Variants in FBRSL1 observed in about 807,000 individuals in gnomAD.
FBRSL1 encodes the protein fibrosin like 1.
FBRSL1 carries 51 observed loss-of-function variants against 89.6 expected under a neutral mutation model. The observed-to-expected ratio is 0.57, with a 90% CI of 0.45 to 0.72. The LOEUF is 0.72. Ranked by LOEUF, FBRSL1 falls within the 30% of genes least tolerant of loss-of-function variation. The pLI, the probability that FBRSL1 is intolerant of heterozygous loss-of-function variation, is 0.00. For synonymous variants in FBRSL1, 779 were observed against 681.1 expected, an observed-to-expected ratio of 1.14 and a Z score of -2.24; for missense variants, 1,618 against 1,451.8, an observed-to-expected ratio of 1.11 and a Z score of -1.86.
At chr12:132,572,964 A>G (rs566149521) in intron 11 of FBRSL1, among the ~76,000 whole-genome samples, 1 of 152,200 alleles carries the variant, frequency 6.6e-6, no homozygotes, top group Non-Finnish European at 1.5e-5. Context: ...TCCTTACCGC[A>G]AGGAGGTTCT....
At position 132,525,206 on chromosome 12, in the gene FBRSL1, T is replaced by C. The variant is rs539527457; in HGVS notation, c.490-528T>C. Among the ~76,000 whole-genome samples the C allele has an allele frequency of 2.0e-5, 3 of 152,352 alleles. No homozygotes were observed. The South Asian group carries it at 6.2e-4, about 32-fold the overall frequency. ...CCCACCACCACCTCGCTGCTTGCTC[T>C]GGCATGGAGCCGACCGAAGGAGGTG... On this transcript the variant is annotated intron_variant, in intron 2 of 18. Transcript: ENST00000680143.
At chr12:132,534,131 C>T (rs899417989) in intron 4 of FBRSL1, among the ~76,000 whole-genome samples, 1 of 152,222 alleles carries the variant, frequency 6.6e-6, no homozygotes, top group African/African-American at 2.4e-5. Context: ...TTTGTTCCAG[C>T]AGCCCAAGCA....
intron 15 of FBRSL1, among the ~76,000 whole-genome samples, chr12:132,578,879 G>A (rs908328230): frequency 6.6e-6 from 1 of 152,250 alleles, no homozygotes; most frequent in Non-Finnish European, 1.5e-5. Context: ...AAGCATGGTG[G>A]CCTCTGGGCC....
intron 14 of FBRSL1, among the ~76,000 whole-genome samples, chr12:132,574,782 C>T (rs943391073): frequency 2.0e-5 from 3 of 152,072 alleles, no homozygotes; most frequent in Non-Finnish European, 4.4e-5. Flanking sequence ...GCCGCAAGGC[C>T]CTCTCCTCGG....
At position 132,568,143 on chromosome 12, in the gene FBRSL1, G is replaced by A. The variant is rs999536918; in HGVS notation, c.691+617G>A. Among the ~76,000 whole-genome samples, 16 of 152,322 alleles carry A rather than the reference G, an allele frequency of 1.1e-4. 1 individual carries two copies. The East Asian group carries it at 1.2e-3, about 11-fold the overall frequency. On this transcript the variant is annotated intron_variant, in intron 6 of 18. Transcript: ENST00000680143. Reference sequence around the variant, plus strand: ...CCTCTCCAGAGGGGATAGCCCCAGCGTCTTCTTAGGGCCTCCCTGGCGCTG... The same window carrying A: ...CCTCTCCAGAGGGGATAGCCCCAGCATCTTCTTAGGGCCTCCCTGGCGCTG...
intron 18 of FBRSL1, among the ~76,000 whole-genome samples, chr12:132,582,701 C>T (rs551009686): frequency 1.3e-5 from 2 of 152,194 alleles, no homozygotes; most frequent in South Asian, 4.1e-4. Flanking sequence ...GGAGGCCCCC[C>T]TGTCCTAACA....
At chr12:132,545,295 CCT>C (rs1424098810) in intron 4 of FBRSL1, among the ~76,000 whole-genome samples, 1 of 152,242 alleles carries the variant, frequency 6.6e-6, no homozygotes, top group Non-Finnish European at 1.5e-5. Context: ...TGAATGGTCG[CCT>C]CACTCGGGCA....
chr12:132,510,305 A>G lies in FBRSL1; in HGVS notation c.489+1955A>G, dbSNP rs1048628528. 1.1e-5 allele frequency: 13 copies of G among 1,229,482 alleles called. No homozygotes were observed. In the South Asian group the frequency reaches 1.2e-4, roughly 12 times the overall value. The allele number at this position is 1,229,482 out of a possible 1,614,324, so 76.2% of individuals were successfully genotyped here. A position where few individuals can be genotyped will look rare whatever the true frequency, so the allele number is the denominator to read the frequency against. ...TCCTGTGCCAGCCGCGGCGGTCCCT[A>G]TTGGATCTGGTGCCGGCCCGTCAGC... On this transcript the variant is annotated intron_variant, in intron 2 of 18. Coordinates refer to ENST00000680143, the MANE Select transcript of FBRSL1 (RefSeq NM_001367871.1).
chr12:132,493,916 G>T (rs972445276), intron 1 of FBRSL1, among the ~76,000 whole-genome samples: 1 of 152,232 alleles, frequency 6.6e-6, no homozygotes, highest in African/African-American at 2.4e-5. Flanking sequence ...CTGGCTCAGG[G>T]TGTGCCTGCA....
chr12:132,536,517 G>A (rs1043452770), intron 4 of FBRSL1, among the ~76,000 whole-genome samples: 1 of 151,408 alleles, frequency 6.6e-6, no homozygotes, highest in African/African-American at 2.4e-5. Flanking sequence ...GATGGTGTGA[G>A]TGCATGTGTA....
Position 132,564,819 on chromosome 12 carries a change from C to T in FBRSL1, c.646-2662C>T, listed in dbSNP as rs564992883. Reference sequence around the variant, plus strand: ...TAATTTTTTGTATTTTTAGTAGAGACGGGGTTTCACCGTGTTGGCCAGGAT... The same window carrying T: ...TAATTTTTTGTATTTTTAGTAGAGATGGGGTTTCACCGTGTTGGCCAGGAT... On this transcript the variant is annotated intron_variant, in intron 5 of 18. Coordinates refer to ENST00000680143, the MANE Select transcript of FBRSL1 (RefSeq NM_001367871.1). Among the ~76,000 whole-genome samples, 956 of 147,352 alleles carry T rather than the reference C, an allele frequency of 6.5e-3. 56 individuals carry two copies. The highest frequency in any genetic ancestry group is 0.023 in the African/African-American group (860 of 38,118).
chr12:132,512,519 C>T (rs1050624828), intron 2 of FBRSL1, among the ~76,000 whole-genome samples: 2 of 152,230 alleles, frequency 1.3e-5, no homozygotes, highest in Admixed American at 6.5e-5. Flanking sequence ...CAAGCCATTG[C>T]CCCGCAGAGG....
At chr12:132,582,334 T>A in intron 18 of FBRSL1, 68 bp downstream of exon 18, 1 of 1,274,256 alleles carries the variant, frequency 7.8e-7, no homozygotes, top group South Asian at 1.4e-5. Context: ...CCTCCCGTCA[T>A]CCCCGGTTCC....
intron 14 of FBRSL1, among the ~76,000 whole-genome samples, chr12:132,576,261 C>T (rs1011510655): frequency 8.6e-5 from 13 of 150,732 alleles, no homozygotes; most frequent in African/African-American, 2.5e-4. Flanking sequence ...GGCATGATCT[C>T]GGCTCACTGT....
At position 132,497,530 on chromosome 12, in the gene FBRSL1, C is replaced by T. The variant is rs1234494030; in HGVS notation, c.291+6669C>T. Among the ~76,000 whole-genome samples, 7 of 152,218 alleles carry T rather than the reference C, an allele frequency of 4.6e-5. No homozygotes were observed. In the East Asian group the frequency reaches 1.4e-3, roughly 29 times the overall value. ...GCCCCCTCCCTCCGGACTCCCCCTC[C>T]ATACTCCCCTACCCAGATGGCACCA... On this transcript the variant is annotated intron_variant, in intron 1 of 18. Coordinates refer to ENST00000680143, the MANE Select transcript of FBRSL1 (RefSeq NM_001367871.1).
At chr12:132,571,979 C>G (rs1021284593) in intron 9 of FBRSL1, 8 of 477,634 alleles carry the variant, frequency 1.7e-5, no homozygotes, top group African/African-American at 1.6e-4. Context: ...CCGGTGTGTC[C>G]CCAGCGCGAC....
At chr12:132,529,130 C>A (rs926756928) in intron 4 of FBRSL1, among the ~76,000 whole-genome samples, 2 of 152,210 alleles carry the variant, frequency 1.3e-5, no homozygotes, top group Non-Finnish European at 2.9e-5. Flanking sequence ...GGGTGGGGGC[C>A]TGGACTCTGC....
At position 132,550,482 on chromosome 12, in the gene FBRSL1, C is replaced by T. The variant is rs149889322; in HGVS notation, c.645+2450C>T. Among the ~76,000 whole-genome samples, 885 of 152,250 alleles carry T rather than the reference C, an allele frequency of 5.8e-3. 7 individuals carry two copies. Among genetic ancestry groups the T allele is most frequent in the South Asian group, 8.9e-3 (43 of 4,820 alleles). On this transcript the variant is annotated intron_variant, in intron 5 of 18. Coordinates refer to ENST00000680143, the MANE Select transcript of FBRSL1 (RefSeq NM_001367871.1). ...CGTTTGCTTCTGTTGGGGGGCAGCT[C>T]CCGGAGGCTGCTCGGGGAGAGCAGC...
At chr12:132,509,003 T>TC (rs2034019363) in intron 2 of FBRSL1, among the ~76,000 whole-genome samples, 1 of 152,146 alleles carries the variant, frequency 6.6e-6, no homozygotes, top group Admixed American at 6.5e-5. Context: ...GTGTGCGCCT[T>TC]CCTTCCAGGG....
Sources: allele counts gnomAD v4.1 joint callset (sites outside exome capture counted in the v4.1 genomes callset), GRCh38; gene constraint gnomAD v4.1.1; transcripts MANE v1.5; gene names NCBI Gene and HGNC (gene_info 2026-07-23, HGNC 2026-07-21).